Variants in FKBP6 observed in about 807,000 individuals in gnomAD.
FKBP6 encodes the protein inactive peptidyl-prolyl cis-trans isomerase FKBP6.
FKBP6 carries 29 observed loss-of-function variants against 41.7 expected under a neutral mutation model. The observed-to-expected ratio is 0.70, with a 90% confidence interval of 0.52 to 0.95. The LOEUF is 0.95. Ranked by LOEUF, FKBP6 falls within the 40% of genes least tolerant of loss-of-function variation. FKBP6 has a pLI of 0.00. For missense variants in FKBP6, 338 were observed against 408.7 expected (o/e 0.83, Z 1.49); for synonymous variants, 130 against 165.1 (o/e 0.79, Z 1.63).
intron 5 of FKBP6, among the ~76,000 whole-genome samples, chr7:73,334,615 C>T (rs1390370443): frequency 6.6e-6 from 1 of 152,152 alleles, no homozygotes; most frequent in Non-Finnish European, 1.5e-5. Flanking sequence ...AAGATCCCAT[C>T]TCTACAAAAA....
In FKBP6 at chr7:73,331,757, C is replaced by G; in HGVS notation, c.569C>G (p.Ala190Gly). 6.2e-7 allele frequency: 1 copy of G among 1,613,694 alleles called. No individual in the cohort carries two copies. The highest frequency in any genetic ancestry group is 2.2e-5 in the East Asian group (1 of 44,884). ...YLFRQNRFYD[A>G]KVRYKRALLL... Reference sequence around the variant, plus strand: ...TTCCGCCAGAATCGTTTCTATGATGCCAAAGTGAGATATAAAAGGGTGAGA... The same window carrying G: ...TTCCGCCAGAATCGTTTCTATGATGGCAAAGTGAGATATAAAAGGGTGAGA... The change falls in exon 5 of 9, where the codon GCC (alanine) becomes GGC (glycine). Residue 190 changes from alanine (A) to glycine (G), a missense_variant. This residue lies in a region of FKBP6 where 239 missense variants were observed against 250.1 expected (regional missense o/e 0.96). Coordinates refer to ENST00000252037, the MANE Select transcript of FKBP6 (RefSeq NM_003602.5).
Position 73,341,258 on chromosome 7 carries a change from C to T in FKBP6, c.784-15C>T, listed in dbSNP as rs1554549508. 1.3e-6 allele frequency: 2 copies of T among 1,552,118 alleles called. No homozygotes were observed. The highest frequency in any genetic ancestry group is 8.9e-7 in the Non-Finnish European group (1 of 1,123,662). On this transcript the variant is annotated splice_polypyrimidine_tract_variant and intron_variant, in intron 6 of 8. Transcript: ENST00000252037. ...CTTTTCTAACTGTGCTTTTAAAGTT[C>T]TCTCCTTGGGACAGGCTTGTCTTCT...
intron 7 of FKBP6, among the ~76,000 whole-genome samples, chr7:73,342,395 G>A (rs1185662143): frequency 1.3e-5 from 2 of 152,172 alleles, no homozygotes; most frequent in African/African-American, 4.8e-5. Flanking sequence ...GTATCTCTTA[G>A]GTTACATTTC....
At chr7:73,345,222 G>GAAA (rs1156457847) in intron 8 of FKBP6, among the ~76,000 whole-genome samples, 7 of 66,630 alleles carry the variant, frequency 1.1e-4, no homozygotes, top group African/African-American at 1.2e-4. Context: ...GCATCAGCCA[G>GAAA]AAAAAAAAAA....
rs1805242178 is a variant in FKBP6 at position 73,343,157 on chromosome 7, T to G, written c.*2+258T>G. On this transcript the variant is annotated intron_variant, in intron 8 of 8. Coordinates refer to ENST00000252037, the MANE Select transcript of FKBP6 (RefSeq NM_003602.5). ...GCCTTGAGCTATTTATTTATTTATT[T>G]GTTTGTTTGTTTGTTTGAGGCAGAG... Among the ~76,000 whole-genome samples, 5 of 152,060 alleles carry G rather than the reference T, an allele frequency of 3.3e-5. No individual in the cohort carries two copies. In the South Asian group the frequency reaches 1.0e-3, roughly 32 times the overall value.
chr7:73,341,076 A>G (rs1261937188), intron 6 of FKBP6, among the ~76,000 whole-genome samples, 197 bp from the exon 7 acceptor site: 2 of 152,046 alleles, frequency 1.3e-5, no homozygotes, highest in African/African-American at 4.8e-5. Flanking sequence ...GGCATGCGCC[A>G]TCACACCCAG....
At chr7:73,336,856 A>C in intron 5 of FKBP6, 5 of 455,118 alleles carry the variant, frequency 1.1e-5, no homozygotes, top group South Asian at 7.8e-5. Context: ...AAGCTCTGGA[A>C]GTACTTCCAC....
intron 8 of FKBP6, among the ~76,000 whole-genome samples, chr7:73,343,941 C>T (rs144868076): frequency 1.3e-5 from 2 of 152,296 alleles, no homozygotes; most frequent in Non-Finnish European, 2.9e-5. Context: ...TATTCATCCC[C>T]GACATTTTCA....
chr7:73,332,014 C>A (rs1554547785), intron 5 of FKBP6, among the ~76,000 whole-genome samples: 1 of 152,050 alleles, frequency 6.6e-6, no homozygotes, highest in Non-Finnish European at 1.5e-5. Context: ...CAGGCACCCG[C>A]CACTTCACCT....
chr7:73,336,942 G>A (rs1462781249), intron 5 of FKBP6: 2 of 317,538 alleles, frequency 6.3e-6, no homozygotes, highest in South Asian at 2.4e-5. Flanking sequence ...ACAGAAGAAG[G>A]GAATGACTTG....
At chr7:73,354,880 G>A (rs1158829584) in intron 8 of FKBP6, among the ~76,000 whole-genome samples, 1 of 152,194 alleles carries the variant, frequency 6.6e-6, no homozygotes, top group Non-Finnish European at 1.5e-5. Flanking sequence ...GGGGCTGCGA[G>A]GCAGGGCTGG....
At chr7:73,343,883 C>T (rs1554549953) in intron 8 of FKBP6, among the ~76,000 whole-genome samples, 1 of 152,222 alleles carries the variant, frequency 6.6e-6, no homozygotes, top group African/African-American at 2.4e-5. Context: ...GTTGCTTCCT[C>T]CATCTCCCTA....
intron 7 of FKBP6, among the ~76,000 whole-genome samples, chr7:73,342,282 A>G (rs1334577442): frequency 1.3e-5 from 2 of 152,204 alleles, no homozygotes; most frequent in Non-Finnish European, 2.9e-5. Flanking sequence ...TTTTTAAGGT[A>G]TATCTTCTTC....
intron 5 of FKBP6, among the ~76,000 whole-genome samples, chr7:73,333,527 C>G (rs528541931): frequency 3.9e-5 from 6 of 152,252 alleles, no homozygotes; most frequent in Non-Finnish European, 8.8e-5. Context: ...TTCCAGAAAG[C>G]TCTTAACATA....
chr7:73,350,120 C>A (rs1247556184), intron 8 of FKBP6, among the ~76,000 whole-genome samples: 1 of 152,148 alleles, frequency 6.6e-6, no homozygotes, highest in Non-Finnish European at 1.5e-5. Flanking sequence ...GGCCACAGAC[C>A]CCTTAATAGC....
chr7:73,355,186 G>A (rs190588979), intron 8 of FKBP6, among the ~76,000 whole-genome samples: 69 of 152,336 alleles, frequency 4.5e-4, no homozygotes, highest in Non-Finnish European at 9.0e-4. Context: ...AGCCTGGTTC[G>A]TAGGAATGGA....
At chr7:73,352,473 T>C (rs1805517513) in intron 8 of FKBP6, among the ~76,000 whole-genome samples, 2 of 152,198 alleles carry the variant, frequency 1.3e-5, no homozygotes, top group Non-Finnish European at 2.9e-5. Flanking sequence ...GGAATTGACA[T>C]CAAGCCAGTG....
chr7:73,335,530 G>T (rs1180809157), intron 5 of FKBP6, among the ~76,000 whole-genome samples: 1 of 152,164 alleles, frequency 6.6e-6, no homozygotes, highest in African/African-American at 2.4e-5. Context: ...GCTCCAGCCT[G>T]CCCCCAAGTC....
intron 8 of FKBP6, among the ~76,000 whole-genome samples, chr7:73,357,616 G>C (rs1554552142): frequency 6.6e-6 from 1 of 152,018 alleles, no homozygotes; most frequent in East Asian, 1.9e-4. Flanking sequence ...AAGTCTGACT[G>C]GAAAGGGGTC....
Sources: allele counts gnomAD v4.1 joint callset (sites outside exome capture counted in the v4.1 genomes callset), GRCh38; gene constraint gnomAD v4.1.1; regional missense constraint gnomAD v4.1.1; transcripts MANE v1.5; gene names NCBI Gene and HGNC (gene_info 2026-07-23, HGNC 2026-07-21).